The following LRRC52 variants were observed in gnomAD, a reference collection of about 807,000 sequenced individuals.
LRRC52 encodes leucine-rich repeat-containing protein 52.
In LRRC52, 15 loss-of-function variants were observed where a neutral mutation model predicts 14.7. That is an observed-to-expected ratio of 1.02 (90% confidence interval 0.68 to 1.58). The LOEUF (loss-of-function observed/expected upper bound fraction) is 1.58. Ranked by LOEUF, LRRC52 falls within the 40% of genes most tolerant of loss-of-function variation. The probability of loss-of-function intolerance (pLI) is 0.00; values close to 1 mark genes in which losing one functional copy is unlikely to be tolerated. For synonymous variants in LRRC52, 180 were observed against 163.9 expected (o/e 1.10, Z -0.75); for missense variants, 400 against 387.7 (o/e 1.03, Z -0.27).
intron 1 of LRRC52, among the ~76,000 whole-genome samples, chr1:165,550,591 C>T (rs1462659793): frequency 6.6e-6 from 1 of 152,152 alleles, no homozygotes; most frequent in East Asian, 1.9e-4. Context: ...GAGAAAAGCC[C>T]AGCACAGAGA....
At chr1:165,560,842 G>A (rs1661325131) in intron 1 of LRRC52, among the ~76,000 whole-genome samples, 1 of 152,186 alleles carries the variant, frequency 6.6e-6, no homozygotes, top group Non-Finnish European at 1.5e-5. Context: ...GAGAAGGAGG[G>A]AAGGGGAGAA....
In LRRC52 at chr1:165,544,250, A is replaced by G; in HGVS notation, c.-47A>G. The stretch of plus-strand genomic sequence containing the variant: ...CCACCGGCAGCCTTCGGATCAGAGG[A>G]CAGAGCCCGCAGGAAGGTGAAAGGA... On this transcript the variant is annotated 5_prime_UTR_variant, in exon 1 of 2. Transcript: ENST00000294818. 5.3e-6 allele frequency: 7 copies of G among 1,314,164 alleles called. No individual in the cohort carries two copies. The highest frequency in any genetic ancestry group is 2.0e-5 in the Admixed American group (1 of 49,180). 81.4% of individuals were successfully genotyped at this position (1,314,164 alleles called of 1,614,324 possible).
At chr1:165,561,188 T>C (rs1661333584) in intron 1 of LRRC52, among the ~76,000 whole-genome samples, 1 of 152,142 alleles carries the variant, frequency 6.6e-6, no homozygotes, top group South Asian at 2.1e-4. Context: ...AATCACTGCC[T>C]AATTGCTCCT....
intron 1 of LRRC52, 85 bp from the exon 2 acceptor site, chr1:165,563,420 G>C: frequency 8.2e-7 from 1 of 1,215,704 alleles, no homozygotes; most frequent in East Asian, 2.5e-5. Flanking sequence ...TGAGGGTGCA[G>C]ATGGTCCCTC....
chr1:165,549,811 C>T (rs1661095651), intron 1 of LRRC52, among the ~76,000 whole-genome samples: 1 of 152,156 alleles, frequency 6.6e-6, no homozygotes, highest in African/African-American at 2.4e-5. Context: ...TATCATAAGG[C>T]TACACTGAAC....
chr1:165,551,365 G>C (rs1661127996), intron 1 of LRRC52, among the ~76,000 whole-genome samples: 1 of 152,164 alleles, frequency 6.6e-6, no homozygotes, highest in African/African-American at 2.4e-5. Context: ...AGAAACCCTA[G>C]AACAGTGGCC....
chr1:165,553,744 G>A (rs1571108801), intron 1 of LRRC52, among the ~76,000 whole-genome samples: 1 of 152,204 alleles, frequency 6.6e-6, no homozygotes, highest in East Asian at 1.9e-4. Flanking sequence ...CTGCAGAGAA[G>A]GAGGCGAGGG....
At position 165,563,812 on chromosome 1, in the gene LRRC52, T is replaced by G; in HGVS notation, c.930T>G (p.Pro310=). 6.2e-7 allele frequency: 1 copy of G among 1,613,878 alleles called. No homozygotes were observed. Among genetic ancestry groups the G allele is most frequent in the Non-Finnish European group, 8.5e-7 (1 of 1,179,836 alleles). ...QTQTSSVQEF[P]QLI is the part of the protein sequence containing the mutation. ...AGACGAGCTCGGTCCAGGAGTTCCC[T>G]CAGCTTATTTAGTTGCCAGAGACCA... The change falls in exon 2 of 2, where the codon CCT becomes CCG. Residue 310 remains proline (P), a synonymous_variant. Coordinates refer to ENST00000294818, the MANE Select transcript of LRRC52 (RefSeq NM_001005214.4).
At chr1:165,556,985 G>A (rs1661246532) in intron 1 of LRRC52, among the ~76,000 whole-genome samples, 3 of 152,158 alleles carry the variant, frequency 2.0e-5, no homozygotes, top group Admixed American at 2.0e-4. Context: ...AAAGACATCA[G>A]AGTTTTAAAA....
intron 1 of LRRC52, among the ~76,000 whole-genome samples, chr1:165,560,344 A>G (rs1036277877): frequency 1.3e-5 from 2 of 152,214 alleles, no homozygotes; most frequent in Admixed American, 6.5e-5. Context: ...TTAACCTAGA[A>G]TCTCATAATT....
At chr1:165,559,497 CTAA>C (rs1400168888) in intron 1 of LRRC52, among the ~76,000 whole-genome samples, 3 of 152,024 alleles carry the variant, frequency 2.0e-5, no homozygotes, top group Non-Finnish European at 4.4e-5. Context: ...AGACGATTGT[CTAA>C]TAATAACTAA....
At chr1:165,546,127 G>A (rs1156853320) in intron 1 of LRRC52, among the ~76,000 whole-genome samples, 2 of 152,092 alleles carry the variant, frequency 1.3e-5, no homozygotes, top group East Asian at 1.9e-4. Context: ...TTCCCAATGG[G>A]TGTGTCTCAA....
chr1:165,554,353 G>C (rs1314827169), intron 1 of LRRC52, among the ~76,000 whole-genome samples: 2 of 152,028 alleles, frequency 1.3e-5, no homozygotes, highest in African/African-American at 4.8e-5. Context: ...CTCTTGAGGG[G>C]GACGTTAAAG....
chr1:165,548,827 GGTTGGTA>G (rs1432789403), intron 1 of LRRC52, among the ~76,000 whole-genome samples: 1 of 152,132 alleles, frequency 6.6e-6, no homozygotes, highest in East Asian at 1.9e-4. Flanking sequence ...AAAAACAAAT[GGTTGGTA>G]GATGAGGAAA....
chr1:165,550,088 G>A (rs558259349), intron 1 of LRRC52, among the ~76,000 whole-genome samples: 31 of 152,314 alleles, frequency 2.0e-4, no homozygotes, highest in African/African-American at 7.5e-4. Flanking sequence ...TCTGGCCCAG[G>A]TTAGCAAGTG....
chr1:165,548,581 G>A (rs1050505537), intron 1 of LRRC52, among the ~76,000 whole-genome samples: 2 of 152,222 alleles, frequency 1.3e-5, no homozygotes, highest in African/African-American at 4.8e-5. Context: ...TCAGGCAGCA[G>A]AGCCCAGTGT....
At chr1:165,558,859 C>A (rs1010089046) in intron 1 of LRRC52, among the ~76,000 whole-genome samples, 2 of 152,050 alleles carry the variant, frequency 1.3e-5, no homozygotes, top group African/African-American at 4.8e-5. Flanking sequence ...CAAAAATATA[C>A]CTTAAATATA....
rs1424884531 is a variant in LRRC52, at chr1:165,563,442, T to C, written c.623-63T>C. On this transcript the variant is annotated intron_variant, in intron 1 of 1. Transcript: ENST00000294818. ...GCAGATGGTCCCTCCTGATCCCCTT[T>C]GGCCTTAGGACGCTGGGAGTCACGC... The C allele has an allele frequency of 3.4e-6, 5 of 1,462,544 alleles. No individual in the cohort carries two copies. In the East Asian group the frequency reaches 9.3e-5, roughly 27 times the overall value. 90.6% of individuals were successfully genotyped at this position (1,462,544 alleles called of 1,614,324 possible). A position where few individuals can be genotyped will look rare whatever the true frequency, so the allele number is the denominator to read the frequency against.
chr1:165,544,393 C>T lies in LRRC52; in HGVS notation c.97C>T (p.Gln33Ter). 6.2e-7 allele frequency: 1 copy of T among 1,614,136 alleles called. No individual in the cohort carries two copies. The highest frequency in any genetic ancestry group is 1.1e-5 in the South Asian group (1 of 91,074). ...GSKCPNNCLC[Q>*]AQEVICTGKQ... ...AAAGTGTCCAAATAATTGTCTGTGT[C>T]AAGCCCAAGAAGTAATCTGCACAGG... The change falls in exon 1 of 2, where the codon CAA (glutamine) becomes TAA (stop). Residue 33 changes from glutamine to a stop codon, truncating the protein, a stop_gained. Transcript: ENST00000294818. LOFTEE classifies it high-confidence loss of function.
Sources: allele counts gnomAD v4.1 joint callset (sites outside exome capture counted in the v4.1 genomes callset), GRCh38; gene constraint gnomAD v4.1.1; transcripts MANE v1.5; gene names NCBI Gene and HGNC (gene_info 2026-07-23, HGNC 2026-07-21).